The following JADE3 variants were observed in gnomAD, a reference collection of about 807,000 sequenced individuals.
JADE3 encodes the protein jade family PHD finger 3.
Under a neutral mutation model 50.1 loss-of-function variants are expected in JADE3, and 2 were observed. That is an observed-to-expected ratio of 0.04 (90% CI 0.02 to 0.13). The LOEUF (loss-of-function observed/expected upper bound fraction) is 0.13, where lower values mean the gene tolerates loss of function less well. Among genes scored for constraint, JADE3 ranks in the 10% least tolerant of loss-of-function variants. The probability of loss-of-function intolerance (pLI) is 1.00; values close to 1 mark genes in which losing one functional copy is unlikely to be tolerated. For missense variants in JADE3, 475 were observed against 634.4 expected, an observed-to-expected ratio of 0.75 and a Z score of 2.70; for synonymous variants, 218 against 232.9, an observed-to-expected ratio of 0.94 and a Z score of 0.58.
chrX:46,982,646 C>T lies in JADE3; in HGVS notation c.-11-2238C>T, dbSNP rs371801981. ...GGATTATTTTATTGAAGTCTATTTC[C>T]TCAACCCCCATTCTCACCCTGCAGT... On this transcript the variant is annotated intron_variant, in intron 1 of 10. Transcript: ENST00000614628. Among the ~76,000 whole-genome samples the T allele has an allele frequency of 2.1e-4, 23 of 110,588 alleles. No homozygotes were observed. The East Asian group carries it at 3.4e-3, about 16-fold the overall frequency.
At chrX:46,980,550 A>G (rs1284878148) in intron 1 of JADE3, among the ~76,000 whole-genome samples, 4 of 110,851 alleles carry the variant, frequency 3.6e-5, no homozygotes, top group African/African-American at 1.3e-4. Context: ...TGAAGACCAC[A>G]ACCCAGCAGC....
intron 1 of JADE3, among the ~76,000 whole-genome samples, chrX:46,942,294 T>C (rs894006529): frequency 2.7e-5 from 3 of 111,904 alleles, no homozygotes; most frequent in Non-Finnish European, 5.6e-5. Flanking sequence ...GCAAGGCTGA[T>C]GTCCAGAAGG....
rs782135266 is a variant in JADE3, at chrX:46,920,879, G to T, written c.-12+8160G>T. Among the ~76,000 whole-genome samples the T allele has an allele frequency of 6.3e-5, 7 of 111,963 alleles. No homozygotes were observed. In the South Asian group the frequency reaches 2.6e-3, roughly 42 times the overall value. On this transcript the variant is annotated intron_variant, in intron 1 of 10. Transcript: ENST00000614628. ...TTATTATAGCTTTATAATAAGCCTA[G>T]AAATCAGGTAATAGAGTACTCTGGC...
intron 1 of JADE3, among the ~76,000 whole-genome samples, chrX:46,968,057 C>T (rs1927403430): frequency 9.0e-6 from 1 of 111,560 alleles, no homozygotes; most frequent in Non-Finnish European, 1.9e-5. Context: ...CCCAATTATC[C>T]CCAGGCTTGT....
intron 1 of JADE3, among the ~76,000 whole-genome samples, chrX:46,971,269 C>T (rs1256197197): frequency 3.7e-5 from 4 of 107,022 alleles, no homozygotes; most frequent in Non-Finnish European, 7.7e-5. Flanking sequence ...GCGACTGCCA[C>T]CATGCCCAGC....
chrX:47,048,116 G>T (rs1310615331), intron 8 of JADE3, among the ~76,000 whole-genome samples: 17 of 111,502 alleles, frequency 1.5e-4, no homozygotes, highest in African/African-American at 4.9e-4. Context: ...CACCATCCAC[G>T]TGGCTGATGT....
At chrX:46,940,666 C>T (rs782046947) in intron 1 of JADE3, among the ~76,000 whole-genome samples, 1 of 110,973 alleles carries the variant, frequency 9.0e-6, no homozygotes, top group South Asian at 3.9e-4. Context: ...TGTCCCTTAC[C>T]CCTATAGAGG....
chrX:46,982,802 T>C (rs1927784762), intron 1 of JADE3, among the ~76,000 whole-genome samples: 1 of 110,861 alleles, frequency 9.0e-6, no homozygotes, highest in Admixed American at 9.6e-5. Flanking sequence ...TGTTATGGTC[T>C]ACTAATTGTT....
rs782555482 is a variant in JADE3 at position 46,923,393 on chromosome X, C to CTTTTTTTTTTTTTTTTTTTTTTTTT, written c.-12+10678_-12+10702dup. On this transcript the variant is annotated intron_variant, in intron 1 of 10. Coordinates refer to ENST00000614628, the MANE Select transcript of JADE3 (RefSeq NM_014735.5). Reference sequence around the variant, plus strand: ...ATTTCTTTTCTCTCTCTCTCTCTCTCTTTTTTTTTTTTTTTTTTTTTTTTT... The same window carrying CTTTTTTTTTTTTTTTTTTTTTTTTT: ...ATTTCTTTTCTCTCTCTCTCTCTCTCTTTTTTTTTTTTTTTTTTTTTTTTTTTTTTTTTTTTTTTTTTTTTTTTTT... Among the ~76,000 whole-genome samples, 7 of 11,525 alleles carry CTTTTTTTTTTTTTTTTTTTTTTTTT rather than the reference C, an allele frequency of 6.1e-4. 2 individuals carry two copies. The highest frequency in any genetic ancestry group is 1.4e-3 in the Non-Finnish European group (7 of 4,943). The allele number at this position is 11,525 out of a possible 115,157, so 10.0% of individuals were successfully genotyped here. A position where few individuals can be genotyped will look rare whatever the true frequency, so the allele number is the denominator to read the frequency against.
intron 6 of JADE3, 117 bp downstream of exon 6, chrX:47,028,220 G>A: frequency 2.0e-6 from 1 of 500,321 alleles, no homozygotes; most frequent in South Asian, 3.3e-5. Context: ...ATAAAGATTT[G>A]GCCTGGTTGT....
intron 7 of JADE3, among the ~76,000 whole-genome samples, chrX:47,035,213 G>A (rs190762049): frequency 9.0e-6 from 1 of 111,037 alleles, no homozygotes; most frequent in East Asian, 2.8e-4. Flanking sequence ...AGAGACTGCA[G>A]AATCTAGTTA....
intron 1 of JADE3, among the ~76,000 whole-genome samples, chrX:46,917,926 A>G (rs969808064): frequency 2.9e-5 from 3 of 104,921 alleles, no homozygotes; most frequent in East Asian, 6.0e-4. Flanking sequence ...TCTCTCATCC[A>G]GGGAAGCATA....
At chrX:46,922,924 G>A (rs1354130466) in intron 1 of JADE3, among the ~76,000 whole-genome samples, 2 of 111,749 alleles carry the variant, frequency 1.8e-5, no homozygotes, top group Non-Finnish European at 3.8e-5. Context: ...GGCAGGAGAT[G>A]CTTAGGTAAA....
intron 1 of JADE3, among the ~76,000 whole-genome samples, chrX:46,954,814 C>T (rs1927080164): frequency 8.9e-6 from 1 of 112,081 alleles, no homozygotes; most frequent in Non-Finnish European, 1.9e-5. Context: ...CTTGGCCTCC[C>T]AAAGTGCTAG....
intron 1 of JADE3, among the ~76,000 whole-genome samples, chrX:46,916,075 TTTTGA>T (rs1926078551): frequency 8.9e-6 from 1 of 111,915 alleles, no homozygotes; most frequent in Non-Finnish European, 1.9e-5. Flanking sequence ...TTTTGTTTTG[TTTTGA>T]GACACATGAC....
intron 4 of JADE3, among the ~76,000 whole-genome samples, chrX:46,999,757 A>G (rs1011191456): frequency 1.8e-5 from 2 of 110,535 alleles, no homozygotes; most frequent in East Asian, 5.6e-4. Context: ...GTTCAGTTAA[A>G]GAGTAGCGAC....
intron 1 of JADE3, among the ~76,000 whole-genome samples, chrX:46,971,581 G>T (rs1927494013): frequency 9.4e-6 from 1 of 106,783 alleles, no homozygotes; most frequent in African/African-American, 3.4e-5. Flanking sequence ...AGATCACGAG[G>T]TCAGGAGATC....
chrX:47,017,702 G>A (rs782397452), intron 4 of JADE3, among the ~76,000 whole-genome samples: 12 of 111,736 alleles, frequency 1.1e-4, no homozygotes, highest in Non-Finnish European at 1.5e-4. Flanking sequence ...CTTCTGCATC[G>A]TTAATAAAAC....
In JADE3 at chrX:47,018,365, G is replaced by A. The variant is rs1292978131; in HGVS notation, c.285-6359G>A. Among the ~76,000 whole-genome samples the A allele has an allele frequency of 2.5e-4, 27 of 107,185 alleles. 1 individual carries two copies. Among genetic ancestry groups the A allele is most frequent in the Non-Finnish European group, 4.6e-4 (24 of 51,974 alleles). 93.1% of individuals were successfully genotyped at this position (107,185 alleles called of 115,157 possible). A position where few individuals can be genotyped will look rare whatever the true frequency, so the allele number is the denominator to read the frequency against. On this transcript the variant is annotated intron_variant, in intron 4 of 10. Transcript: ENST00000614628. ...TTTTTTTTTTTTGAGATGGAGTCTC[G>A]CTCTGTCACCCAGGCTGGAGTGCAG...
Sources: allele counts gnomAD v4.1 joint callset (sites outside exome capture counted in the v4.1 genomes callset), GRCh38; gene constraint gnomAD v4.1.1; transcripts MANE v1.5; gene names NCBI Gene and HGNC (gene_info 2026-07-23, HGNC 2026-07-21).